LARS2: variants seen among roughly 807,000 people sequenced by gnomAD.
The protein encoded by LARS2 is leucine--tRNA ligase, mitochondrial.
Under a neutral mutation model 116.6 loss-of-function variants are expected in LARS2, and 81 were observed. That is an observed-to-expected ratio of 0.69 (90% CI 0.58 to 0.84). The LOEUF is 0.84. Among genes scored for constraint, LARS2 ranks in the 40% least tolerant of loss-of-function variants. LARS2 has a pLI of 0.00. For missense variants in LARS2, 968 were observed against 1,114.5 expected (o/e 0.87, Z 1.87); for synonymous variants, 396 against 407.2 (o/e 0.97, Z 0.33).
chr3:45,482,066 A>ATG (rs1305693730), intron 10 of LARS2, among the ~76,000 whole-genome samples: 2 of 152,168 alleles, frequency 1.3e-5, no homozygotes, highest in African/African-American at 4.8e-5. Flanking sequence ...GCACATGGTC[A>ATG]TGTTACTTTT....
chr3:45,413,660 C>T (rs1459208179), intron 4 of LARS2, among the ~76,000 whole-genome samples: 1 of 152,182 alleles, frequency 6.6e-6, no homozygotes, highest in South Asian at 2.1e-4. Flanking sequence ...GAGAGATGGT[C>T]TCAGTTCTTT....
intron 3 of LARS2, among the ~76,000 whole-genome samples, chr3:45,398,369 C>G (rs181515444): frequency 1.4e-4 from 21 of 152,182 alleles, no homozygotes; most frequent in African/African-American, 5.1e-4. Flanking sequence ...GAACATTCAG[C>G]AAACAATATT....
chr3:45,394,622 A>G lies in LARS2; in HGVS notation c.169A>G (p.Lys57Glu), dbSNP rs768754426. Residue 57 changes from lysine (K) to glutamate (E), a missense_variant, in exon 3 of 22, where the codon AAG becomes GAG. Coordinates refer to ENST00000645846, the MANE Select transcript of LARS2 (RefSeq NM_015340.4). The stretch of plus-strand genomic sequence containing the variant: ...AAAAGAGTATACATTGCAGACAAGA[A>G]AGGATGTTGAGAAATGGTGGCATCA... ...WTKEYTLQTR[K>E]DVEKWWHQRI... 6.2e-7 allele frequency: 1 copy of G among 1,614,228 alleles called. No individual in the cohort carries two copies. Among genetic ancestry groups the G allele is most frequent in the East Asian group, 2.2e-5 (1 of 44,886 alleles).
chr3:45,406,933 T>C (rs1168225286), intron 4 of LARS2, among the ~76,000 whole-genome samples: 1 of 152,172 alleles, frequency 6.6e-6, no homozygotes, highest in Non-Finnish European at 1.5e-5. Flanking sequence ...GCACAGATGG[T>C]TGGAAAATAA....
intron 10 of LARS2, among the ~76,000 whole-genome samples, chr3:45,483,209 G>A (rs760910300): frequency 4.6e-5 from 7 of 152,114 alleles, no homozygotes; most frequent in Non-Finnish European, 8.8e-5. Flanking sequence ...TCCATGTGCC[G>A]TATATGCCTA....
chr3:45,539,873 T>C (rs1361838397), intron 20 of LARS2, among the ~76,000 whole-genome samples: 1 of 132,480 alleles, frequency 7.5e-6, no homozygotes, highest in African/African-American at 2.5e-5. Flanking sequence ...CAAAACTGTA[T>C]TTACAGCATG....
intron 7 of LARS2, among the ~76,000 whole-genome samples, chr3:45,452,536 C>A (rs1224038382): frequency 6.6e-6 from 1 of 152,046 alleles, no homozygotes; most frequent in Admixed American, 6.5e-5. Flanking sequence ...TGGGATGAAT[C>A]CCTGTTGATC....
intron 4 of LARS2, among the ~76,000 whole-genome samples, chr3:45,406,513 G>A (rs538670810): frequency 3.8e-4 from 58 of 152,242 alleles, no homozygotes; most frequent in Non-Finnish European, 6.6e-4. Context: ...ACAAGCAGCT[G>A]AGCAGACACA....
At chr3:45,531,377 A>T (rs1700611410) in intron 20 of LARS2, among the ~76,000 whole-genome samples, 1 of 151,798 alleles carries the variant, frequency 6.6e-6, no homozygotes. Context: ...AAATTTTTTT[A>T]AATTTATTTT....
chr3:45,476,022 A>G (rs1266439325), intron 9 of LARS2, among the ~76,000 whole-genome samples: 2 of 151,752 alleles, frequency 1.3e-5, no homozygotes, highest in Non-Finnish European at 2.9e-5. Flanking sequence ...TCAAAGCAGT[A>G]ATAACCTTGG....
chr3:45,521,438 A>G (rs919784726), intron 19 of LARS2, among the ~76,000 whole-genome samples: 3 of 152,234 alleles, frequency 2.0e-5, no homozygotes, highest in African/African-American at 7.2e-5. Flanking sequence ...CTCTGTCTCT[A>G]AAAATAAAAT....
intron 6 of LARS2, among the ~76,000 whole-genome samples, chr3:45,444,392 G>A (rs1205833920): frequency 8.7e-5 from 13 of 149,392 alleles, no homozygotes; most frequent in Admixed American, 4.0e-4. Context: ...GGCCAGGCGC[G>A]GTGGCTCACG....
intron 18 of LARS2, among the ~76,000 whole-genome samples, chr3:45,518,424 A>G (rs943480361): frequency 1.3e-5 from 2 of 152,198 alleles, no homozygotes; most frequent in African/African-American, 4.8e-5. Flanking sequence ...GTCATCCAGG[A>G]TGACACCGCA....
chr3:45,428,821 A>G (rs539579522), intron 6 of LARS2, among the ~76,000 whole-genome samples: 8 of 152,246 alleles, frequency 5.3e-5, no homozygotes, highest in Non-Finnish European at 1.2e-4. Flanking sequence ...CCTAGATTCA[A>G]TAATTATTGC....
At chr3:45,491,163 T>C (rs1296032499) in intron 12 of LARS2, among the ~76,000 whole-genome samples, 1 of 152,172 alleles carries the variant, frequency 6.6e-6, no homozygotes, top group African/African-American at 2.4e-5. Context: ...AGGGCCAACT[T>C]AGACACATTA....
chr3:45,480,562 CCTT>C (rs1158740069), intron 10 of LARS2, among the ~76,000 whole-genome samples: 1 of 152,226 alleles, frequency 6.6e-6, no homozygotes. Context: ...TCTGATTTCA[CCTT>C]CTTAGATTCC....
chr3:45,496,878 A>G (rs1490659374), intron 14 of LARS2, among the ~76,000 whole-genome samples: 1 of 152,274 alleles, frequency 6.6e-6, no homozygotes. Flanking sequence ...ATTCACAGCC[A>G]AGTAAATCCC....
intron 15 of LARS2, among the ~76,000 whole-genome samples, chr3:45,512,025 T>C (rs915579733): frequency 2.6e-5 from 4 of 152,098 alleles, no homozygotes; most frequent in Non-Finnish European, 5.9e-5. Context: ...TCCACCTGCC[T>C]CGGCCTCCCA....
intron 2 of LARS2, 50 bp from the exon 3 acceptor site, chr3:45,394,383 T>G (rs1426883407): frequency 9.9e-7 from 1 of 1,008,358 alleles, no homozygotes; most frequent in East Asian, 2.4e-5. Flanking sequence ...AGATAAGCTC[T>G]GGGGAGGGTT....
Sources: allele counts gnomAD v4.1 joint callset (sites outside exome capture counted in the v4.1 genomes callset), GRCh38; gene constraint gnomAD v4.1.1; transcripts MANE v1.5; gene names NCBI Gene and HGNC (gene_info 2026-07-23, HGNC 2026-07-21).